The following HEPHL1 variants were observed in gnomAD, a reference collection of about 807,000 sequenced individuals.
The protein encoded by HEPHL1 is ferroxidase HEPHL1.
A neutral mutation model predicts 122.0 loss-of-function variants in HEPHL1; 123 were observed. The ratio of observed to expected loss-of-function variants is 1.01; its 90% CI spans 0.87 to 1.17. HEPHL1 has a LOEUF of 1.17. Among genes scored for constraint, HEPHL1 ranks in the 50% most tolerant of loss-of-function variants. The pLI is 0.00. For missense variants in HEPHL1, 1,452 were observed against 1,430.5 expected, an observed-to-expected ratio of 1.01 and a Z score of -0.24; for synonymous variants, 527 against 508.9, an observed-to-expected ratio of 1.04 and a Z score of -0.48.
intron 2 of HEPHL1, among the ~76,000 whole-genome samples, chr11:94,047,368 C>A (rs1337885833): frequency 1.3e-5 from 2 of 152,154 alleles, no homozygotes; most frequent in African/African-American, 4.8e-5. Flanking sequence ...CAACCCTCCA[C>A]CCTCTGCTAG....
In HEPHL1 at chr11:94,111,537, A is replaced by G; in HGVS notation, c.3209A>G (p.Asp1070Gly). ...ETTYTVLRNI[D>G]NRIPYSTTSP... ...CAATGAACTTGTTTTCTTTGTGCAG[A>G]CAACAGGATTCCTTACTCCACCACA... The change falls in exon 19 of 20, where the codon GAC (aspartate) becomes GGC (glycine). Residue 1070 changes from aspartate to glycine, a missense_variant and splice_region_variant. Transcript: ENST00000315765. 1 of 1,597,384 alleles carries G rather than the reference A, an allele frequency of 6.3e-7. No individual in the cohort carries two copies. Among genetic ancestry groups the G allele is most frequent in the Non-Finnish European group, 8.5e-7 (1 of 1,171,068 alleles).
intron 6 of HEPHL1, 69 bp downstream of exon 6, chr11:94,070,611 C>G: frequency 7.8e-7 from 1 of 1,286,786 alleles, no homozygotes; most frequent in Non-Finnish European, 1.1e-6. Context: ...TCTCTGTGAT[C>G]TAATTTGTAT....
intron 4 of HEPHL1, among the ~76,000 whole-genome samples, chr11:94,067,264 A>G (rs1946041945): frequency 6.6e-6 from 1 of 152,224 alleles, no homozygotes; most frequent in Non-Finnish European, 1.5e-5. Context: ...TTCTCAGTGT[A>G]TGCTGATCTT....
intron 3 of HEPHL1, among the ~76,000 whole-genome samples, chr11:94,064,069 G>C (rs947735642): frequency 1.3e-5 from 2 of 152,212 alleles, no homozygotes; most frequent in African/African-American, 4.8e-5. Flanking sequence ...GACTTAGCAT[G>C]TCTGTAGTTT....
Position 94,073,292 on chromosome 11 carries a change from C to A in HEPHL1, c.1373-16C>A. Reference sequence around the variant, plus strand: ...TTTTCATTCTCTTCTCTCTCTTCTTCTGGATATTTTTTCAGGCCCAGTCAT... The same window carrying A: ...TTTTCATTCTCTTCTCTCTCTTCTTATGGATATTTTTTCAGGCCCAGTCAT... On this transcript the variant is annotated splice_polypyrimidine_tract_variant and intron_variant, in intron 7 of 19. Transcript: ENST00000315765. The A allele has an allele frequency of 1.2e-6, 2 of 1,609,716 alleles. No individual in the cohort carries two copies. Among genetic ancestry groups the A allele is most frequent in the Non-Finnish European group, 1.7e-6 (2 of 1,177,898 alleles).
chr11:94,064,291 T>G, intron 3 of HEPHL1, 40 bp from the exon 4 acceptor site: 3 of 1,499,888 alleles, frequency 2.0e-6, no homozygotes, highest in Non-Finnish European at 2.7e-6. Flanking sequence ...CTCATCTTGA[T>G]TTAGTTCTTT....
At chr11:94,064,241 A>G in intron 3 of HEPHL1, 90 bp from the exon 4 acceptor site, 2 of 990,406 alleles carry the variant, frequency 2.0e-6, no homozygotes, top group Non-Finnish European at 3.0e-6. Flanking sequence ...GGTCTTCACC[A>G]AACTTCACAC....
chr11:94,091,772 T>A (rs993346262), intron 12 of HEPHL1, among the ~76,000 whole-genome samples: 17 of 152,030 alleles, frequency 1.1e-4, no homozygotes, highest in African/African-American at 4.1e-4. Context: ...AGTTGGGACA[T>A]GAAGAGTAGT....
chr11:94,039,729 G>C (rs998154139), intron 1 of HEPHL1, among the ~76,000 whole-genome samples: 18 of 150,308 alleles, frequency 1.2e-4, no homozygotes, highest in Non-Finnish European at 1.9e-4. Flanking sequence ...GCAGTGTGTA[G>C]AGGGAAATTT....
At chr11:94,073,192 G>T (rs1946091893) in intron 7 of HEPHL1, 28 bp downstream of exon 7, 3 of 1,611,900 alleles carry the variant, frequency 1.9e-6, no homozygotes, top group Non-Finnish European at 1.7e-6. Flanking sequence ...CCCATGCATT[G>T]AACCCAGGGA....
Position 94,048,391 on chromosome 11 carries a change from G to T in HEPHL1, c.415+2474G>T, listed in dbSNP as rs146185578. 2.4e-3 allele frequency among the ~76,000 whole-genome samples: 368 copies of T among 152,030 alleles called. 5 individuals carry two copies. Among genetic ancestry groups the T allele is most frequent in the Non-Finnish European group, 2.6e-3 (178 of 67,982 alleles). On this transcript the variant is annotated intron_variant, in intron 2 of 19. Transcript: ENST00000315765. ...TAATTTTTTTTTGAGATGGGGTCTC[G>T]CTCTGTCACTCAGGCTGGAGTGCAG...
chr11:94,061,314 G>C (rs1156524544), intron 2 of HEPHL1, among the ~76,000 whole-genome samples: 2 of 152,168 alleles, frequency 1.3e-5, no homozygotes, highest in Non-Finnish European at 2.9e-5. Flanking sequence ...GTGTGTGGCT[G>C]ATGGGTGGCA....
chr11:94,072,190 A>C (rs550672576), intron 6 of HEPHL1, among the ~76,000 whole-genome samples: 1 of 152,242 alleles, frequency 6.6e-6, no homozygotes, highest in African/African-American at 2.4e-5. Context: ...CTTTTGCACC[A>C]ATCTAATAGT....
intron 2 of HEPHL1, among the ~76,000 whole-genome samples, chr11:94,047,187 G>A (rs946083520): frequency 2.0e-5 from 3 of 152,176 alleles, no homozygotes; most frequent in African/African-American, 7.2e-5. Flanking sequence ...AACTATGAAT[G>A]CATTTTCTTT....
At chr11:94,107,434 C>T (rs1946417880) in intron 17 of HEPHL1, among the ~76,000 whole-genome samples, 1 of 152,120 alleles carries the variant, frequency 6.6e-6, no homozygotes, top group Admixed American at 6.5e-5. Flanking sequence ...ACATTGAATA[C>T]AATTCACCAT....
chr11:94,037,625 A>AGGGTATTGCAGGTCTCG, intron 1 of HEPHL1, among the ~76,000 whole-genome samples: 3 of 151,976 alleles, frequency 2.0e-5, no homozygotes, highest in African/African-American at 7.2e-5. Context: ...CACCTCACAC[A>AGGGTATTGCAGGTCTCG]GCAGGGTATT....
chr11:94,073,081 A>G lies in HEPHL1; in HGVS notation c.1289A>G (p.Lys430Arg). The G allele has an allele frequency of 6.2e-7, 1 of 1,612,948 alleles. No individual in the cohort carries two copies. Among genetic ancestry groups the G allele is most frequent in the South Asian group, 1.1e-5 (1 of 91,040 alleles). Residue 430 changes from lysine (K) to arginine (R), a missense_variant, in exon 7 of 20, where the codon AAG becomes AGG. Coordinates refer to ENST00000315765, the MANE Select transcript of HEPHL1 (RefSeq NM_001098672.2). ...GDNRIGGKYW[K>R]VRYTEFVDAT... Reference sequence around the variant, plus strand: ...AACAGAATAGGAGGAAAATACTGGAAGGTTCGGTATACTGAATTTGTTGAT... The same window carrying G: ...AACAGAATAGGAGGAAAATACTGGAGGGTTCGGTATACTGAATTTGTTGAT...
intron 12 of HEPHL1, 55 bp downstream of exon 12, chr11:94,089,023 G>A (rs1946242702): frequency 6.7e-7 from 1 of 1,496,120 alleles, no homozygotes; most frequent in Non-Finnish European, 9.3e-7. Context: ...TGCTCCGTAG[G>A]TCTTTAGTAA....
At position 94,113,888 on chromosome 11, in the gene HEPHL1, G is replaced by A. The variant is rs1946471503; in HGVS notation, c.*1994G>A. The A allele has an allele frequency of 6.6e-6, 1 of 152,182 alleles. No individual in the cohort carries two copies. Among genetic ancestry groups the A allele is most frequent in the South Asian group, 2.1e-4 (1 of 4,834 alleles). The allele number at this position is 152,182 out of a possible 1,614,324, so 9.4% of individuals were successfully genotyped here. ...TTGTTAGAGGAAATGAAACAAAATA[G>A]TGTATCTCCACAAATAATATGACTT... is the stretch of plus-strand genomic sequence containing the variant. On this transcript the variant is annotated 3_prime_UTR_variant, in exon 20 of 20. Transcript: ENST00000315765.
Sources: allele counts gnomAD v4.1 joint callset (sites outside exome capture counted in the v4.1 genomes callset), GRCh38; gene constraint gnomAD v4.1.1; transcripts MANE v1.5; gene names NCBI Gene and HGNC (gene_info 2026-07-23, HGNC 2026-07-21).